SLC39A11: variants seen among roughly 807,000 people sequenced by gnomAD.
SLC39A11 encodes solute carrier family 39 member 11.
A neutral mutation model predicts 36.1 loss-of-function variants in SLC39A11; 33 were observed. The observed-to-expected ratio is 0.91, with a 90% CI of 0.69 to 1.22. The LOEUF is 1.22. SLC39A11 is among the 50% of genes most tolerant of loss of function. The pLI is 0.00. For synonymous variants in SLC39A11, 166 were observed against 170.3 expected (o/e 0.97, Z 0.20); for missense variants, 432 against 430.3 (o/e 1.00, Z -0.03).
intron 4 of SLC39A11, among the ~76,000 whole-genome samples, chr17:72,979,511 G>A (rs1189075594): frequency 1.3e-5 from 2 of 152,208 alleles, no homozygotes; most frequent in African/African-American, 4.8e-5. Flanking sequence ...GGGACGGATA[G>A]AGACATTCCC....
chr17:72,850,964 G>T (rs756015239), intron 5 of SLC39A11, among the ~76,000 whole-genome samples: 6 of 152,048 alleles, frequency 3.9e-5, no homozygotes, highest in Admixed American at 3.9e-4. Flanking sequence ...CCACTCCAAC[G>T]TGCAAGCTAA....
At chr17:73,003,419 A>G (rs2089935449) in intron 4 of SLC39A11, among the ~76,000 whole-genome samples, 1 of 152,056 alleles carries the variant, frequency 6.6e-6, no homozygotes, top group Non-Finnish European at 1.5e-5. Context: ...ACTGATGGAG[A>G]ACTAGAACCC....
At chr17:72,758,702 T>G (rs2075453862) in intron 6 of SLC39A11, among the ~76,000 whole-genome samples, 1 of 152,216 alleles carries the variant, frequency 6.6e-6, no homozygotes, top group South Asian at 2.1e-4. Flanking sequence ...CTTCTGCACT[T>G]GGTCACTTGA....
At position 72,647,579 on chromosome 17, in the gene SLC39A11, C is replaced by A; in HGVS notation, c.*5G>T. Reference sequence around the variant, plus strand: ...GCCTTTCCCGGGGTCCGAAGCGTCTCAGCCCTAGCCCAGGCCAACGTCCAG... The same window carrying A: ...GCCTTTCCCGGGGTCCGAAGCGTCTAAGCCCTAGCCCAGGCCAACGTCCAG... On this transcript the variant is annotated 3_prime_UTR_variant, in exon 10 of 10. Transcript: ENST00000255559. The A allele has an allele frequency of 6.2e-7, 1 of 1,613,392 alleles. No homozygotes were observed. The highest frequency in any genetic ancestry group is 1.1e-5 in the South Asian group (1 of 90,946).
intron 6 of SLC39A11, chr17:72,839,837 G>T (rs1458340901): frequency 6.6e-6 from 1 of 152,224 alleles, no homozygotes; most frequent in African/African-American, 2.4e-5. Flanking sequence ...GTGGTTAGGT[G>T]ATGGTAACTC....
rs149083247 is a variant in SLC39A11 at position 72,748,186 on chromosome 17, G to T, written c.602-11467C>A. Among the ~76,000 whole-genome samples, 16 of 152,260 alleles carry T rather than the reference G, an allele frequency of 1.1e-4. No homozygotes were observed. In the East Asian group the frequency reaches 3.1e-3, roughly 29 times the overall value. ...AAAATACAAACATTAGCTGGGCGTG[G>T]TGGTGGGAGCCTGTAGTCCCAGCTA... is the stretch of plus-strand genomic sequence containing the variant. On this transcript the variant is annotated intron_variant, in intron 6 of 9. Transcript: ENST00000255559.
chr17:73,020,023 G>A (rs538006882), intron 4 of SLC39A11, among the ~76,000 whole-genome samples: 1 of 150,872 alleles, frequency 6.6e-6, no homozygotes, highest in Non-Finnish European at 1.5e-5. Context: ...ATTTCATTGA[G>A]AATAAAACTG....
chr17:73,042,299 T>C (rs1381144483), intron 3 of SLC39A11, among the ~76,000 whole-genome samples: 2 of 152,220 alleles, frequency 1.3e-5, no homozygotes, highest in African/African-American at 4.8e-5. Flanking sequence ...ATGCACTGAA[T>C]GTGTCAACTC....
chr17:72,853,549 T>C (rs2146079892), intron 5 of SLC39A11, among the ~76,000 whole-genome samples: 1 of 152,078 alleles, frequency 6.6e-6, no homozygotes, highest in South Asian at 2.1e-4. Flanking sequence ...GCTTGTGTTT[T>C]ATAGGAACAT....
intron 7 of SLC39A11, among the ~76,000 whole-genome samples, chr17:72,702,029 C>CCAGAAGTTAAGT (rs1436435145): frequency 1.3e-5 from 2 of 151,814 alleles, no homozygotes; most frequent in African/African-American, 2.4e-5. Context: ...TTGCCTGAGC[C>CCAGAAGTTAAGT]TGGGAGATGG....
chr17:72,972,606 A>G (rs2087539000), intron 4 of SLC39A11, among the ~76,000 whole-genome samples: 1 of 152,004 alleles, frequency 6.6e-6, no homozygotes, highest in Admixed American at 6.6e-5. Flanking sequence ...ATTTTCCATC[A>G]TTACAACCCT....
chr17:72,760,379 C>A (rs934973670), intron 6 of SLC39A11, among the ~76,000 whole-genome samples: 5 of 152,222 alleles, frequency 3.3e-5, no homozygotes, highest in African/African-American at 9.6e-5. Flanking sequence ...TCCAAGAAAA[C>A]CATCTGCTTC....
chr17:72,910,494 T>C (rs1204990750), intron 5 of SLC39A11, among the ~76,000 whole-genome samples: 2 of 151,336 alleles, frequency 1.3e-5, no homozygotes, highest in Non-Finnish European at 2.9e-5. Flanking sequence ...CGTGGTGGCA[T>C]GCGCCTATAA....
chr17:72,922,899 C>T (rs1042750980), intron 5 of SLC39A11, among the ~76,000 whole-genome samples: 4 of 120,954 alleles, frequency 3.3e-5, no homozygotes, highest in East Asian at 2.8e-4. Flanking sequence ...ACCCGGGAGG[C>T]GGAGGTTGCA....
At chr17:72,841,901 A>C (rs550217881) in intron 6 of SLC39A11, among the ~76,000 whole-genome samples, 11 of 123,008 alleles carry the variant, frequency 8.9e-5, no homozygotes, top group Admixed American at 3.3e-4. Flanking sequence ...GTCTCTACAA[A>C]AAATACAAAA....
At chr17:72,894,475 A>C (rs2081930250) in intron 5 of SLC39A11, among the ~76,000 whole-genome samples, 2 of 146,736 alleles carry the variant, frequency 1.4e-5, no homozygotes, top group South Asian at 4.3e-4. Context: ...CATCCTGGCT[A>C]ACATGGTGAA....
At chr17:72,973,812 C>T (rs775542743) in intron 4 of SLC39A11, among the ~76,000 whole-genome samples, 13 of 152,178 alleles carry the variant, frequency 8.5e-5, no homozygotes, top group Non-Finnish European at 1.9e-4. Flanking sequence ...CCACGTACCT[C>T]GGACTCCCAA....
intron 4 of SLC39A11, among the ~76,000 whole-genome samples, chr17:72,985,514 G>A (rs2088672672): frequency 1.4e-5 from 2 of 143,398 alleles, no homozygotes. Flanking sequence ...CCAGGTTCAA[G>A]CAATTCTCCT....
At chr17:72,904,823 C>T (rs1292639460) in intron 5 of SLC39A11, among the ~76,000 whole-genome samples, 2 of 152,222 alleles carry the variant, frequency 1.3e-5, no homozygotes, top group African/African-American at 4.8e-5. Flanking sequence ...ATTACAGAAC[C>T]TTTCCCCCTC....
Sources: gnomAD v4.1 joint callset for allele counts (sites outside exome capture counted in the v4.1 genomes callset) on GRCh38, gnomAD v4.1.1 for gene constraint, MANE v1.5 for transcripts, NCBI Gene and HGNC (gene_info 2026-07-23, HGNC 2026-07-21) for gene names.